The following GNPNAT1 variants were observed in gnomAD, a reference collection of about 807,000 sequenced individuals.
GNPNAT1 encodes the protein glucosamine 6-phosphate N-acetyltransferase.
In GNPNAT1, 11 loss-of-function variants were observed where a neutral mutation model predicts 19.8. That is an observed-to-expected ratio of 0.56 (90% CI 0.35 to 0.92). GNPNAT1 has a LOEUF of 0.92. Ranked by LOEUF, GNPNAT1 falls within the 40% of genes least tolerant of loss-of-function variation. GNPNAT1 has a pLI of 0.01. For missense variants in GNPNAT1, 157 were observed against 211.0 expected (o/e 0.74, Z 1.59); for synonymous variants, 71 against 72.3 (o/e 0.98, Z 0.09).
Position 52,790,897 on chromosome 14 carries a change from G to A in GNPNAT1, c.-15+531C>T, listed in dbSNP as rs145072743. ...ACAGTACTCGGTATTTCTAGGGGTAGGAGCCTAGGAAAAAGAGACAAAGAA... is the reference window on the plus strand; with the variant it reads ...ACAGTACTCGGTATTTCTAGGGGTAAGAGCCTAGGAAAAAGAGACAAAGAA... On this transcript the variant is annotated intron_variant, in intron 1 of 5. Transcript: ENST00000216410. Among the ~76,000 whole-genome samples the A allele has an allele frequency of 2.0e-3, 309 of 152,306 alleles. 2 individuals carry two copies. Among genetic ancestry groups the A allele is most frequent in the African/African-American group, 7.0e-3 (292 of 41,556 alleles).
intron 5 of GNPNAT1, among the ~76,000 whole-genome samples, chr14:52,780,325 T>C (rs968934424): frequency 6.6e-6 from 1 of 152,140 alleles, no homozygotes; most frequent in African/African-American, 2.4e-5. Context: ...GAATGAGAGA[T>C]CACAGAATAT....
At position 52,775,481 on chromosome 14, in the gene GNPNAT1, A is replaced by G. The variant is rs1487213650; in HGVS notation, c.*2830T>C. On this transcript the variant is annotated 3_prime_UTR_variant, in exon 6 of 6. Coordinates refer to ENST00000216410, the MANE Select transcript of GNPNAT1 (RefSeq NM_198066.4). ...ATGATAAACCATTGATAATATATCC[A>G]GATTTCAGAGATGTTACAGTGCATC... 13 of 152,238 alleles carry G rather than the reference A, an allele frequency of 8.5e-5. 1 individual carries two copies. Among genetic ancestry groups the G allele is most frequent in the Admixed American group, 8.5e-4 (13 of 15,284 alleles). 9.4% of individuals were successfully genotyped at this position (152,238 alleles called of 1,614,324 possible). A position where few individuals can be genotyped will look rare whatever the true frequency, so the allele number is the denominator to read the frequency against.
rs759737667 is a variant in GNPNAT1, at chr14:52,778,425, T to C, written c.441A>G (p.Lys147=). Residue 147 remains lysine, a synonymous_variant, in exon 6 of 6, where the codon AAA becomes AAG. Coordinates refer to ENST00000216410, the MANE Select transcript of GNPNAT1 (RefSeq NM_198066.4). ...CAAGGGTAATCTTGTAACAGTTCAG[T>C]TTCTTGCTTAGCAAAGTAAGGGTTG... is the stretch of plus-strand genomic sequence containing the variant. The part of the protein sequence containing the change: ...LLSTLTLLSK[K]LNCYKITLEC... 48 of 1,609,180 alleles carry C rather than the reference T, an allele frequency of 3.0e-5. No individual in the cohort carries two copies. The highest frequency in any genetic ancestry group is 4.0e-5 in the Non-Finnish European group (47 of 1,178,676).
At chr14:52,784,718 G>T (rs2139968640) in intron 1 of GNPNAT1, 54 bp from the exon 2 acceptor site, 2 of 726,448 alleles carry the variant, frequency 2.8e-6, no homozygotes, top group Non-Finnish European at 4.3e-6. Flanking sequence ...GGAAAATTAT[G>T]ATTGTTGAGA....
rs1220202625 is a variant in GNPNAT1 at position 52,776,878 on chromosome 14, A to AC, written c.*1432_*1433insG. On this transcript the variant is annotated 3_prime_UTR_variant, in exon 6 of 6. Coordinates refer to ENST00000216410, the MANE Select transcript of GNPNAT1 (RefSeq NM_198066.4). Reference sequence around the variant, plus strand: ...CCTTACCAGGCTAATTTTTAAAAACATGCGTTTTTAATTACCAGGATTTAC... The same window carrying AC: ...CCTTACCAGGCTAATTTTTAAAAACACTGCGTTTTTAATTACCAGGATTTAC... 1 of 152,162 alleles carries AC rather than the reference A, an allele frequency of 6.6e-6. No individual in the cohort carries two copies. The highest frequency in any genetic ancestry group is 1.9e-4 in the East Asian group (1 of 5,188). 9.4% of individuals were successfully genotyped at this position (152,162 alleles called of 1,614,324 possible).
At chr14:52,783,290 A>G (rs1882936673) in intron 3 of GNPNAT1, 133 bp downstream of exon 3, 2 of 608,838 alleles carry the variant, frequency 3.3e-6, no homozygotes, top group African/African-American at 3.8e-5. Flanking sequence ...AAACATTTGT[A>G]TAAAACAGCT....
intron 2 of GNPNAT1, 83 bp from the exon 3 acceptor site, chr14:52,783,568 G>T: frequency 1.2e-6 from 1 of 831,456 alleles, no homozygotes; most frequent in Middle Eastern, 2.5e-4. Context: ...AAGCAGGTGG[G>T]CTTACAGGCA....
rs1012799505 is a variant in GNPNAT1, at chr14:52,776,263, T to G, written c.*2048A>C. 3 of 152,156 alleles carry G rather than the reference T, an allele frequency of 2.0e-5. No individual in the cohort carries two copies. Among genetic ancestry groups the G allele is most frequent in the Non-Finnish European group, 4.4e-5 (3 of 68,036 alleles). The allele number at this position is 152,156 out of a possible 1,614,324, so 9.4% of individuals were successfully genotyped here. The stretch of plus-strand genomic sequence containing the variant: ...GAGCAGTTTTTAAAAAAAAAAAGTT[T>G]AAGAAGTGTTTTATGTAGCACTTTT... On this transcript the variant is annotated 3_prime_UTR_variant, in exon 6 of 6. Coordinates refer to ENST00000216410, the MANE Select transcript of GNPNAT1 (RefSeq NM_198066.4).
At chr14:52,790,679 A>C (rs986719103) in intron 1 of GNPNAT1, among the ~76,000 whole-genome samples, 12 of 152,100 alleles carry the variant, frequency 7.9e-5, no homozygotes, top group African/African-American at 2.7e-4. Flanking sequence ...ACATCATCAT[A>C]CCATACAGCT....
intron 3 of GNPNAT1, among the ~76,000 whole-genome samples, chr14:52,782,932 G>A (rs890386122): frequency 3.3e-5 from 5 of 152,032 alleles, no homozygotes; most frequent in Non-Finnish European, 7.4e-5. Context: ...ATAACTACCT[G>A]TGATCTTGGG....
chr14:52,780,673 A>G lies in GNPNAT1; in HGVS notation c.407+6T>C, dbSNP rs1290305175. The G allele has an allele frequency of 3.8e-6, 6 of 1,581,578 alleles. No homozygotes were observed. In the African/African-American group the frequency reaches 6.7e-5, roughly 18 times the overall value. Reference sequence around the variant, plus strand: ...ATCCAGGGTTACCTTGTTTCTGCCTACTTACAATTTGCCAAGCTGCTTTCC... The same window carrying G: ...ATCCAGGGTTACCTTGTTTCTGCCTGCTTACAATTTGCCAAGCTGCTTTCC... On this transcript the variant is annotated splice_donor_region_variant and intron_variant, in intron 5 of 5. Transcript: ENST00000216410.
rs1882775836 is a variant in GNPNAT1 at position 52,777,871 on chromosome 14, C to A, written c.*440G>T. Reference sequence around the variant, plus strand: ...GACTTAATATGTGGGAAACAATACACCCCTAAGTGTATTGAGATGTTTCTT... The same window carrying A: ...GACTTAATATGTGGGAAACAATACAACCCTAAGTGTATTGAGATGTTTCTT... On this transcript the variant is annotated 3_prime_UTR_variant, in exon 6 of 6. Transcript: ENST00000216410. The A allele has an allele frequency of 6.6e-6, 1 of 152,508 alleles. No individual in the cohort carries two copies. The highest frequency in any genetic ancestry group is 2.4e-5 in the African/African-American group (1 of 41,388). The allele number at this position is 152,508 out of a possible 1,614,324, so 9.4% of individuals were successfully genotyped here.
chr14:52,784,146 T>A (rs1882956221), intron 2 of GNPNAT1, among the ~76,000 whole-genome samples: 1 of 152,188 alleles, frequency 6.6e-6, no homozygotes, highest in South Asian at 2.1e-4. Flanking sequence ...ATAAAAACCC[T>A]TTCAATTTAT....
chr14:52,778,080 T>C lies in GNPNAT1; in HGVS notation c.*231A>G, dbSNP rs1384018346. The C allele has an allele frequency of 1.0e-5, 3 of 290,620 alleles. No individual in the cohort carries two copies. The highest frequency in any genetic ancestry group is 1.9e-5 in the Non-Finnish European group (3 of 159,182). 18.0% of individuals were successfully genotyped at this position (290,620 alleles called of 1,614,324 possible). On this transcript the variant is annotated 3_prime_UTR_variant, in exon 6 of 6. Coordinates refer to ENST00000216410, the MANE Select transcript of GNPNAT1 (RefSeq NM_198066.4). ...AGAAAAGATTCAAGTTAAAAATATA[T>C]TCCTTTGGTTAAAAATCATCCCCTT... is the stretch of plus-strand genomic sequence containing the variant.
intron 5 of GNPNAT1, 83 bp downstream of exon 5, chr14:52,780,596 A>T: frequency 1.2e-6 from 1 of 831,338 alleles, no homozygotes; most frequent in East Asian, 2.4e-5. Flanking sequence ...AATGAAGCCA[A>T]AAAGAACTTC....
At chr14:52,790,351 G>A (rs1405783618) in intron 1 of GNPNAT1, among the ~76,000 whole-genome samples, 2 of 152,134 alleles carry the variant, frequency 1.3e-5, no homozygotes, top group African/African-American at 4.8e-5. Context: ...GGGGAGGGGC[G>A]GACTTCGGAT....
At position 52,777,484 on chromosome 14, in the gene GNPNAT1, T is replaced by C. The variant is rs1882764655; in HGVS notation, c.*827A>G. 6.6e-6 allele frequency: 1 copy of C among 152,116 alleles called. No homozygotes were observed. The highest frequency in any genetic ancestry group is 2.1e-4 in the South Asian group (1 of 4,822). The allele number at this position is 152,116 out of a possible 1,614,324, so 9.4% of individuals were successfully genotyped here. On this transcript the variant is annotated 3_prime_UTR_variant, in exon 6 of 6. Transcript: ENST00000216410. ...CACTCAATTTTGTGATACTCCATTT[T>C]TGAAAAAACTTAGAGGCTTCAGATA...
intron 1 of GNPNAT1, among the ~76,000 whole-genome samples, chr14:52,786,059 C>CTT (rs139721043): frequency 0.11 from 14,339 of 133,398 alleles, 849 homozygotes; most frequent in South Asian, 0.15. Flanking sequence ...CCACATGTAG[C>CTT]TTTTTTTTTT....
Position 52,778,543 on chromosome 14 carries a change from AAACTT to A in GNPNAT1, c.408-90_408-86del. On this transcript the variant is annotated intron_variant, in intron 5 of 5. Transcript: ENST00000216410. ...AGTAACAATATGAATTAATGTTATA[AAACTT>A]AAGTTTCCTTAGAAACAGGTTTAGA... 3 of 1,200,988 alleles carry A rather than the reference AAACTT, an allele frequency of 2.5e-6. No individual in the cohort carries two copies. In the South Asian group the frequency reaches 4.4e-5, roughly 18 times the overall value. 74.4% of individuals were successfully genotyped at this position (1,200,988 alleles called of 1,614,324 possible).
Sources: gnomAD v4.1 joint callset for allele counts (sites outside exome capture counted in the v4.1 genomes callset) on GRCh38, gnomAD v4.1.1 for gene constraint, MANE v1.5 for transcripts, NCBI Gene and HGNC (gene_info 2026-07-23, HGNC 2026-07-21) for gene names.